The following RBFOX2 variants were observed in gnomAD, a reference collection of about 807,000 sequenced individuals.
RBFOX2 encodes the protein RNA binding protein fox-1 homolog 2.
A neutral mutation model predicts 49.1 loss-of-function variants in RBFOX2; 10 were observed. That is an observed-to-expected ratio of 0.20 (90% CI 0.13 to 0.35). The LOEUF (loss-of-function observed/expected upper bound fraction) is 0.35, where lower values mean the gene tolerates loss of function less well. Ranked by LOEUF, RBFOX2 falls within the 10% of genes least tolerant of loss-of-function variation. The pLI is 1.00. For synonymous variants in RBFOX2, 183 were observed against 187.4 expected (o/e 0.98, Z 0.19); for missense variants, 323 against 486.9 (o/e 0.66, Z 3.17).
chr22:36,022,760 C>T (rs992928584), intron 1 of RBFOX2, among the ~76,000 whole-genome samples: 4 of 152,094 alleles, frequency 2.6e-5, no homozygotes, highest in Admixed American at 1.3e-4. Context: ...TAAATGAGTG[C>T]CCTTATAAGA....
At chr22:35,806,540 TAAGAA>T (rs1603223022) in intron 2 of RBFOX2, among the ~76,000 whole-genome samples, 1 of 151,736 alleles carries the variant, frequency 6.6e-6, no homozygotes, top group Non-Finnish European at 1.5e-5. Flanking sequence ...GAGAAAGCAC[TAAGAA>T]AATACAAGAA....
chr22:35,984,245 T>C (rs544239605), intron 1 of RBFOX2, among the ~76,000 whole-genome samples: 1 of 152,270 alleles, frequency 6.6e-6, no homozygotes, highest in African/African-American at 2.4e-5. Context: ...CTGATTTAAT[T>C]GGTCTGGGTA....
chr22:35,885,233 A>C (rs1168289185), intron 1 of RBFOX2, among the ~76,000 whole-genome samples: 1 of 152,126 alleles, frequency 6.6e-6, no homozygotes, highest in African/African-American at 2.4e-5. Flanking sequence ...TGCTCTGACC[A>C]CCTACCCCTG....
At chr22:36,016,159 C>T (rs2059026354) in intron 1 of RBFOX2, among the ~76,000 whole-genome samples, 1 of 152,038 alleles carries the variant, frequency 6.6e-6, no homozygotes, top group Non-Finnish European at 1.5e-5. Flanking sequence ...ACAATTAAGG[C>T]CCACTCCTTC....
intron 1 of RBFOX2, among the ~76,000 whole-genome samples, chr22:35,873,161 GAC>G (rs769731762): frequency 2.0e-5 from 3 of 151,764 alleles, no homozygotes; most frequent in Non-Finnish European, 2.9e-5. Flanking sequence ...TTTTTTTTGA[GAC>G]ACAGTCTTGC....
intron 3 of RBFOX2, 129 bp downstream of exon 4, chr22:35,781,471 G>T: frequency 8.1e-7 from 1 of 1,238,452 alleles, no homozygotes; most frequent in Non-Finnish European, 1.1e-6. Context: ...CTGATGAAAA[G>T]ACTGATTTAC....
At chr22:35,880,132 G>A (rs1204084458) in intron 1 of RBFOX2, among the ~76,000 whole-genome samples, 2 of 152,052 alleles carry the variant, frequency 1.3e-5, no homozygotes, top group African/African-American at 4.8e-5. Flanking sequence ...TGCAGCCTGG[G>A]CGACAGAGCG....
chr22:35,997,362 TCTC>T (rs1049033943), intron 1 of RBFOX2: 1 of 151,752 alleles, frequency 6.6e-6, no homozygotes. Context: ...GCCAACAAAA[TCTC>T]CTCTAACTCT....
In RBFOX2 at chr22:35,801,563, A is replaced by G. The variant is rs558237066; in HGVS notation, c.252+8217T>C. ...TTTTGGGCCAGGCAGAGTGACTCAC[A>G]CCTGCAATCCCAGCACTTTGGGAGG... On this transcript the variant is annotated intron_variant, in intron 2 of 11. Transcript: ENST00000405409. Among the ~76,000 whole-genome samples, 13 of 152,180 alleles carry G rather than the reference A, an allele frequency of 8.5e-5. No homozygotes were observed. The South Asian group carries it at 2.5e-3, about 29-fold the overall frequency.
chr22:35,920,414 T>C (rs2050897494), intron 1 of RBFOX2, among the ~76,000 whole-genome samples: 1 of 152,224 alleles, frequency 6.6e-6, no homozygotes, highest in African/African-American at 2.4e-5. Flanking sequence ...CTATTTGTTC[T>C]AACCCATCTA....
At chr22:35,777,800 C>T in intron 4 of RBFOX2, 1 of 533,788 alleles carries the variant, frequency 1.9e-6, no homozygotes, top group Non-Finnish European at 3.3e-6. Flanking sequence ...CTTCCCTCAA[C>T]CTTCTCTGCT....
intron 1 of RBFOX2, among the ~76,000 whole-genome samples, chr22:35,956,352 GGCTT>G: frequency 6.6e-6 from 1 of 152,066 alleles, no homozygotes; most frequent in African/African-American, 2.4e-5. Flanking sequence ...TAAAATGACA[GGCTT>G]GCTTCATTTT....
intron 1 of RBFOX2, among the ~76,000 whole-genome samples, chr22:35,814,597 G>T (rs1952588552): frequency 6.6e-6 from 1 of 150,606 alleles, no homozygotes; most frequent in Non-Finnish European, 1.5e-5. Flanking sequence ...TGTAGTCCCA[G>T]TTGCTCAGGA....
intron 1 of RBFOX2, among the ~76,000 whole-genome samples, chr22:35,876,589 G>C (rs1375635148): frequency 1.3e-5 from 2 of 151,856 alleles, no homozygotes; most frequent in Non-Finnish European, 2.9e-5. Flanking sequence ...TCTGAAAAAG[G>C]GTATTGTAGT....
rs570428124 is a variant in RBFOX2 at position 36,012,075 on chromosome 22, T to C, written c.186+16165A>G. Among the ~76,000 whole-genome samples the C allele has an allele frequency of 2.3e-4, 35 of 152,264 alleles. No homozygotes were observed. In the South Asian group the frequency reaches 2.7e-3, roughly 12 times the overall value. Reference sequence around the variant, plus strand: ...ATCTAAATTAGAGATGGAATAACTTTGAGATGAAAAAAAGCCAAAAAACAA... The same window carrying C: ...ATCTAAATTAGAGATGGAATAACTTCGAGATGAAAAAAAGCCAAAAAACAA... On this transcript the variant is annotated intron_variant, in intron 1 of 13. Coordinates refer to the RBFOX2 transcript ENST00000438146.
intron 1 of RBFOX2, among the ~76,000 whole-genome samples, chr22:35,985,369 T>A (rs1268701001): frequency 2.0e-5 from 3 of 152,106 alleles, no homozygotes; most frequent in African/African-American, 7.2e-5. Flanking sequence ...TAGACCGGGA[T>A]TGTAACACTC....
chr22:35,852,330 A>G (rs143415809), intron 1 of RBFOX2, among the ~76,000 whole-genome samples: 69 of 152,194 alleles, frequency 4.5e-4, no homozygotes, highest in African/African-American at 1.6e-3. Context: ...AGGACTATAT[A>G]TTCTAACAGT....
At chr22:35,794,632 TG>T (rs1264222964) in intron 2 of RBFOX2, among the ~76,000 whole-genome samples, 1 of 151,586 alleles carries the variant, frequency 6.6e-6, no homozygotes, top group Non-Finnish European at 1.5e-5. Context: ...CACTCCAGCC[TG>T]GGTAACAGAG....
intron 1 of RBFOX2, chr22:35,897,722 G>T (rs2048036161): frequency 3.5e-6 from 3 of 866,200 alleles, no homozygotes; most frequent in Non-Finnish European, 6.0e-6. Context: ...AAGGAAACAA[G>T]GGGTATAGCA....
Sources: gnomAD v4.1 joint callset for allele counts (sites outside exome capture counted in the v4.1 genomes callset) on GRCh38, gnomAD v4.1.1 for gene constraint, MANE v1.5 for transcripts, NCBI Gene and HGNC (gene_info 2026-07-23, HGNC 2026-07-21) for gene names.